The following ADIG variants were observed in gnomAD, a reference collection of about 807,000 sequenced individuals.
ADIG encodes the protein adipogenesis associated.
Under a neutral mutation model 10.7 loss-of-function variants are expected in ADIG, and 12 were observed. The ratio of observed to expected loss-of-function variants is 1.12; its 90% CI spans 0.72 to 1.82. The LOEUF (loss-of-function observed/expected upper bound fraction) is 1.82, where lower values mean the gene tolerates loss of function less well. ADIG is among the 40% of genes most tolerant of loss of function. ADIG has a pLI of 0.00. For missense variants in ADIG, 72 were observed against 92.5 expected, an observed-to-expected ratio of 0.78 and a Z score of 0.91; for synonymous variants, 32 against 35.6, an observed-to-expected ratio of 0.90 and a Z score of 0.36.
rs1016518764 is a variant in ADIG at position 38,585,933 on chromosome 20, G to T, written c.125-96G>T. 6 of 1,259,002 alleles carry T rather than the reference G, an allele frequency of 4.8e-6. No individual in the cohort carries two copies. The Admixed American group carries it at 8.2e-5, about 17-fold the overall frequency. The allele number at this position is 1,259,002 out of a possible 1,614,324, so 78.0% of individuals were successfully genotyped here. A position where few individuals can be genotyped will look rare whatever the true frequency, so the allele number is the denominator to read the frequency against. On this transcript the variant is annotated intron_variant, in intron 1 of 2. Transcript: ENST00000537425. ...CTTGGCCCTAGCCTCAGGCAAGGCT[G>T]CAGGGATACCCAGGCCTGGCAGGGG...
chr20:38,581,541 T>G (rs562590236), intron 1 of ADIG, among the ~76,000 whole-genome samples, 167 bp downstream of exon 1: 2 of 152,230 alleles, frequency 1.3e-5, no homozygotes, highest in South Asian at 2.1e-4. Flanking sequence ...TTGGTTTGGT[T>G]GTTTAGGGTT....
intron 1 of ADIG, chr20:38,585,680 T>C (rs928285243): frequency 7.0e-5 from 54 of 773,064 alleles, no homozygotes; most frequent in Non-Finnish European, 9.8e-5. Flanking sequence ...TGTTTGTTAA[T>C]GAATGAACTA....
At chr20:38,587,909 T>G (rs2088651307) in intron 2 of ADIG, among the ~76,000 whole-genome samples, 192 bp from the exon 3 acceptor site, 1 of 152,130 alleles carries the variant, frequency 6.6e-6, no homozygotes, top group African/African-American at 2.4e-5. Context: ...GGCTAATTTT[T>G]CTATTTGTAG....
chr20:38,587,837 A>G (rs1202589493), intron 2 of ADIG, among the ~76,000 whole-genome samples: 1 of 151,124 alleles, frequency 6.6e-6, no homozygotes, highest in East Asian at 1.9e-4. Context: ...TCCCCAGTTC[A>G]AGCAATTCTC....
intron 2 of ADIG, 97 bp downstream of exon 2, chr20:38,586,258 G>T (rs943347698): frequency 2.1e-6 from 2 of 937,302 alleles, no homozygotes; most frequent in Non-Finnish European, 3.2e-6. Context: ...CATATTAGAG[G>T]TATGCTCCCT....
At chr20:38,586,261 T>G in intron 2 of ADIG, 100 bp downstream of exon 2, 1 of 908,666 alleles carries the variant, frequency 1.1e-6, no homozygotes. Flanking sequence ...ATTAGAGGTA[T>G]GCTCCCTGGC....
intron 1 of ADIG, among the ~76,000 whole-genome samples, chr20:38,583,422 A>G (rs1439288916): frequency 6.6e-6 from 1 of 152,122 alleles, no homozygotes; most frequent in Non-Finnish European, 1.5e-5. Flanking sequence ...TTTCTCATCT[A>G]CAAAATGGAG....
intron 1 of ADIG, 86 bp from the exon 2 acceptor site, chr20:38,585,943 C>A (rs2088632150): frequency 5.9e-6 from 8 of 1,356,192 alleles, no homozygotes; most frequent in Middle Eastern, 1.8e-4. Context: ...GCAGGGATAC[C>A]CAGGCCTGGC....
At chr20:38,581,426 G>A in intron 1 of ADIG, 52 bp downstream of exon 1, 1 of 1,611,158 alleles carries the variant, frequency 6.2e-7, no homozygotes, top group Admixed American at 1.7e-5. Context: ...GCTAGGCAGG[G>A]GGCCAAATAG....
At position 38,585,917 on chromosome 20, in the gene ADIG, A is replaced by G. The variant is rs1159260578; in HGVS notation, c.125-112A>G. The G allele has an allele frequency of 7.4e-6, 8 of 1,085,532 alleles. No individual in the cohort carries two copies. The Admixed American group carries it at 1.7e-4, about 23-fold the overall frequency. The allele number at this position is 1,085,532 out of a possible 1,614,324, so 67.2% of individuals were successfully genotyped here. A position where few individuals can be genotyped will look rare whatever the true frequency, so the allele number is the denominator to read the frequency against. On this transcript the variant is annotated intron_variant, in intron 1 of 2. Transcript: ENST00000537425. ...GCTCATAGGATTCTGCCTTGGCCCTAGCCTCAGGCAAGGCTGCAGGGATAC... is the reference window on the plus strand; with the variant it reads ...GCTCATAGGATTCTGCCTTGGCCCTGGCCTCAGGCAAGGCTGCAGGGATAC...
chr20:38,585,490 A>G (rs749544260), intron 1 of ADIG: 3 of 1,550,592 alleles, frequency 1.9e-6, no homozygotes, highest in South Asian at 2.4e-5. Context: ...CAGCTTCATG[A>G]CAAGCCATCA....
intron 2 of ADIG, among the ~76,000 whole-genome samples, chr20:38,587,210 G>A (rs562501990): frequency 1.3e-5 from 2 of 151,642 alleles, no homozygotes; most frequent in South Asian, 2.1e-4. Context: ...CCAGCCTCTC[G>A]CCTCTCTCTC....
intron 1 of ADIG, among the ~76,000 whole-genome samples, chr20:38,583,936 G>C (rs1263280501): frequency 2.6e-5 from 4 of 152,148 alleles, no homozygotes; most frequent in African/African-American, 9.7e-5. Flanking sequence ...GCTGGGAACT[G>C]ACCCAATGTC....
At chr20:38,585,953 C>A in intron 1 of ADIG, 76 bp from the exon 2 acceptor site, 2 of 1,414,110 alleles carry the variant, frequency 1.4e-6, no homozygotes, top group Non-Finnish European at 1.9e-6. Flanking sequence ...CCAGGCCTGG[C>A]AGGGGACTCC....
At chr20:38,581,558 C>G (rs1289618424) in intron 1 of ADIG, among the ~76,000 whole-genome samples, 184 bp downstream of exon 1, 1 of 152,096 alleles carries the variant, frequency 6.6e-6, no homozygotes, top group Non-Finnish European at 1.5e-5. Context: ...GGTTTCTTAA[C>G]CTAGAGTTCG....
At chr20:38,583,020 G>C (rs752568233) in intron 1 of ADIG, among the ~76,000 whole-genome samples, 2 of 152,090 alleles carry the variant, frequency 1.3e-5, no homozygotes, top group Non-Finnish European at 2.9e-5. Context: ...GTTTCACCAT[G>C]TTAGCCAGGC....
At chr20:38,587,611 G>T (rs1023700530) in intron 2 of ADIG, among the ~76,000 whole-genome samples, 1 of 152,118 alleles carries the variant, frequency 6.6e-6, no homozygotes, top group Non-Finnish European at 1.5e-5. Context: ...TATGTAGCTT[G>T]ATCTGTTTTT....
At chr20:38,585,211 C>T (rs2088625875) in intron 1 of ADIG, among the ~76,000 whole-genome samples, 1 of 152,220 alleles carries the variant, frequency 6.6e-6, no homozygotes, top group Admixed American at 6.5e-5. Flanking sequence ...GTACAAAAAC[C>T]TTTGTTACTT....
intron 1 of ADIG, among the ~76,000 whole-genome samples, chr20:38,585,030 C>A (rs1320705923): frequency 6.6e-6 from 1 of 152,222 alleles, no homozygotes; most frequent in Non-Finnish European, 1.5e-5. Context: ...CCGCCTTGGC[C>A]TCCCAAAGTG....
Sources: allele counts gnomAD v4.1 joint callset (sites outside exome capture counted in the v4.1 genomes callset), GRCh38; gene constraint gnomAD v4.1.1; transcripts MANE v1.5; gene names NCBI Gene and HGNC (gene_info 2026-07-23, HGNC 2026-07-21).